SIPA1L3: variants seen among roughly 807,000 people sequenced by gnomAD.
The protein encoded by SIPA1L3 is signal induced proliferation associated 1 like 3.
In SIPA1L3, 59 loss-of-function variants were observed where a neutral mutation model predicts 150.1. The ratio of observed to expected loss-of-function variants is 0.39; its 90% confidence interval spans 0.32 to 0.49. SIPA1L3 has a LOEUF of 0.49. Ranked by LOEUF, SIPA1L3 falls within the 20% of genes least tolerant of loss-of-function variation. SIPA1L3 has a pLI of 0.86. For missense variants in SIPA1L3, 2,211 were observed against 2,489.5 expected (o/e 0.89, Z 2.38); for synonymous variants, 1,070 against 1,077.6 (o/e 0.99, Z 0.14).
intron 13 of SIPA1L3, among the ~76,000 whole-genome samples, chr19:38,161,289 T>C (rs2004981): frequency 0.64 from 93,620 of 145,988 alleles, 30,910 homozygotes; most frequent in African/African-American, 0.82. Context: ...TGCAGTGAGC[T>C]GAGATCACAC....
At chr19:37,930,109 C>T (rs2046540386) in intron 1 of SIPA1L3, among the ~76,000 whole-genome samples, 1 of 150,610 alleles carries the variant, frequency 6.6e-6, no homozygotes, top group South Asian at 2.1e-4. Context: ...ACTGCAACCT[C>T]TGACTCCCTG....
At chr19:38,003,574 GC>G (rs1405289663) in intron 1 of SIPA1L3, among the ~76,000 whole-genome samples, 2 of 152,084 alleles carry the variant, frequency 1.3e-5, no homozygotes, top group Non-Finnish European at 2.9e-5. Flanking sequence ...CCGTGCCACC[GC>G]CAGTTCCCAG....
At chr19:37,927,832 T>A (rs914081369) in intron 1 of SIPA1L3, among the ~76,000 whole-genome samples, 3 of 152,144 alleles carry the variant, frequency 2.0e-5, no homozygotes, top group Non-Finnish European at 4.4e-5. Flanking sequence ...TCACTTAGGA[T>A]AATGGCCTCC....
chr19:38,135,180 T>C (rs1395911477), intron 10 of SIPA1L3, among the ~76,000 whole-genome samples: 1 of 152,204 alleles, frequency 6.6e-6, no homozygotes. Flanking sequence ...ATGCGAGTGA[T>C]GTCCCCACCC....
intron 1 of SIPA1L3, among the ~76,000 whole-genome samples, chr19:37,996,054 C>T (rs1967632893): frequency 6.6e-6 from 1 of 152,098 alleles, no homozygotes; most frequent in African/African-American, 2.4e-5. Context: ...GCTAGGAGTA[C>T]AGGCATGCAC....
chr19:38,119,992 G>T, intron 9 of SIPA1L3, 110 bp downstream of exon 9: 1 of 704,888 alleles, frequency 1.4e-6, no homozygotes. Flanking sequence ...GCACTGGCCC[G>T]GAGAGAATCA....
Position 38,083,016 on chromosome 19 carries a change from G to C in SIPA1L3, c.1451G>C (p.Arg484Pro). 2.5e-6 allele frequency: 4 copies of C among 1,613,290 alleles called. No individual in the cohort carries two copies. The highest frequency in any genetic ancestry group is 3.4e-6 in the Non-Finnish European group (4 of 1,180,014). Residue 484 changes from arginine (R) to proline (P), a missense_variant, in exon 3 of 22, where the codon CGG becomes CCG. Transcript: ENST00000222345. ...TTGGAAGTTCCCAAGGAGCAGCAGCGGACGCAGAGTCGGCCCCGGCAGTAC... is the reference window on the plus strand; with the variant it reads ...TTGGAAGTTCCCAAGGAGCAGCAGCCGACGCAGAGTCGGCCCCGGCAGTAC... ...SVLEVPKEQQ[R>P]TQSRPRQYSI...
Position 38,198,513 on chromosome 19 carries a change from C to T in SIPA1L3, c.4965C>T (p.Asn1655=), listed in dbSNP as rs770787948. The T allele has an allele frequency of 2.3e-5, 36 of 1,583,386 alleles. No homozygotes were observed. The Middle Eastern group carries it at 6.7e-4, about 29-fold the overall frequency. ...GCCTCGAGTGGTCCAGCCTGGTGAACGCAGCCAAGGCATACGAAGGTAGGC... is the reference window on the plus strand; with the variant it reads ...GCCTCGAGTGGTCCAGCCTGGTGAATGCAGCCAAGGCATACGAAGGTAGGC... ...AAGLEWSSLV[N]AAKAYEVQRA... The change falls in exon 19 of 22, where the codon AAC becomes AAT. Residue 1655 remains asparagine, a synonymous_variant. Transcript: ENST00000222345.
At chr19:38,203,794 G>T in intron 20 of SIPA1L3, 1 of 278,912 alleles carries the variant, frequency 3.6e-6, no homozygotes, top group South Asian at 5.8e-5. Flanking sequence ...TGTAGAGTGG[G>T]CTCTTTGTAT....
At chr19:38,005,955 G>C (rs1452020191) in intron 1 of SIPA1L3, among the ~76,000 whole-genome samples, 1 of 152,186 alleles carries the variant, frequency 6.6e-6, no homozygotes, top group Non-Finnish European at 1.5e-5. Context: ...GGCTGAGGGG[G>C]GAAGATTGCT....
chr19:38,020,098 C>CTA (rs763419420), intron 1 of SIPA1L3, among the ~76,000 whole-genome samples: 2 of 151,840 alleles, frequency 1.3e-5, no homozygotes, highest in African/African-American at 4.8e-5. Flanking sequence ...GTCTCTCTCT[C>CTA]TCTATATATA....
chr19:38,201,916 T>C lies in SIPA1L3; in HGVS notation c.5039T>C (p.Ile1680Thr), dbSNP rs1315418121. Residue 1680 changes from isoleucine to threonine, a missense_variant, in exon 20 of 22, where the codon ATC (isoleucine) becomes ACC (threonine). By Grantham distance (89) the Ile-to-Thr change is moderately conservative (BLOSUM62 -1). Around this residue, in one of 5 missense-constraint regions of SIPA1L3, gnomAD observed 806 missense variants for 870.1 expected, o/e 0.93. Transcript: ENST00000222345. ...SLNDPALSPD[I>T]PPAHSPVHSH... ...AACGACCCGGCCCTGAGCCCGGACA[T>C]CCCGCCTGCACACAGTCCTGTCCAC... is the stretch of plus-strand genomic sequence containing the variant. The C allele has an allele frequency of 1.2e-6, 2 of 1,613,866 alleles. No homozygotes were observed. The highest frequency in any genetic ancestry group is 1.7e-6 in the Non-Finnish European group (2 of 1,179,932).
At chr19:38,170,811 C>G (rs150927421) in intron 15 of SIPA1L3, among the ~76,000 whole-genome samples, 5 of 151,764 alleles carry the variant, frequency 3.3e-5, no homozygotes, top group African/African-American at 9.7e-5. Context: ...TGTTCCTGAA[C>G]GAGGGTCACA....
chr19:38,144,265 A>G (rs1398718478), intron 12 of SIPA1L3, among the ~76,000 whole-genome samples: 1 of 152,250 alleles, frequency 6.6e-6, no homozygotes, highest in African/African-American at 2.4e-5. Flanking sequence ...TGCACCTGTA[A>G]GAGAGCGAGA....
chr19:38,033,885 G>A (rs934618282), intron 2 of SIPA1L3, among the ~76,000 whole-genome samples: 16 of 152,138 alleles, frequency 1.1e-4, no homozygotes, highest in Admixed American at 3.3e-4. Flanking sequence ...TGCGCCTTGA[G>A]CCATTTGCAT....
intron 2 of SIPA1L3, among the ~76,000 whole-genome samples, chr19:38,032,389 C>T (rs1568511327): frequency 6.6e-6 from 1 of 152,178 alleles, no homozygotes; most frequent in Non-Finnish European, 1.5e-5. Context: ...GAACAGGTTT[C>T]GTTTGTTCAT....
At chr19:37,996,178 T>C (rs1313634791) in intron 1 of SIPA1L3, among the ~76,000 whole-genome samples, 1 of 152,186 alleles carries the variant, frequency 6.6e-6, no homozygotes, top group African/African-American at 2.4e-5. Context: ...TCCTCCTGCC[T>C]TGGCCAACCA....
At chr19:38,026,230 A>G (rs2145711224) in intron 1 of SIPA1L3, among the ~76,000 whole-genome samples, 1 of 152,310 alleles carries the variant, frequency 6.6e-6, no homozygotes, top group Non-Finnish European at 1.5e-5. Context: ...ATTCTCAGGT[A>G]GGCTCTGAAG....
intron 1 of SIPA1L3, among the ~76,000 whole-genome samples, chr19:38,015,925 A>G (rs1030984055): frequency 5.3e-5 from 8 of 151,986 alleles, no homozygotes; most frequent in Admixed American, 1.3e-4. Flanking sequence ...TTTGCTTTCA[A>G]TCTTGCTGAA....
Sources: allele counts gnomAD v4.1 joint callset (sites outside exome capture counted in the v4.1 genomes callset), GRCh38; gene constraint gnomAD v4.1.1; regional missense constraint gnomAD v4.1.1; transcripts MANE v1.5; gene names NCBI Gene and HGNC (gene_info 2026-07-23, HGNC 2026-07-21).